UGT2B7: variants seen among roughly 807,000 people sequenced by gnomAD.
UGT2B7 encodes UDP-glucuronosyltransferase 2B7.
In UGT2B7, 51 loss-of-function variants were observed where a neutral mutation model predicts 51.9. The observed-to-expected ratio is 0.98, with a 90% CI of 0.78 to 1.24. The LOEUF is 1.24. Among genes scored for constraint, UGT2B7 ranks in the 50% most tolerant of loss-of-function variants. UGT2B7 has a pLI of 0.00. For missense variants in UGT2B7, 727 were observed against 628.4 expected (o/e 1.16, Z -1.68); for synonymous variants, 225 against 211.6 (o/e 1.06, Z -0.55).
intron 1 of UGT2B7, among the ~76,000 whole-genome samples, chr4:69,077,095 G>T (rs1718724047): frequency 6.6e-6 from 1 of 152,102 alleles, no homozygotes; most frequent in Non-Finnish European, 1.5e-5. Context: ...GGTTGTATAT[G>T]TGTGGTGTTA....
At position 69,097,258 on chromosome 4, in the gene UGT2B7, A is replaced by G. The variant is rs768631848; in HGVS notation, c.721+17A>G. 1.6e-5 allele frequency: 25 copies of G among 1,598,576 alleles called. No homozygotes were observed. Among genetic ancestry groups the G allele is most frequent in the Admixed American group, 1.3e-4 (7 of 54,926 alleles). ...AAGTTCTAGGTAAGTATTTTTTTCA[A>G]TCAGTAACATGAAGCTCTAACTTAT... On this transcript the variant is annotated intron_variant, in intron 1 of 5. Coordinates refer to ENST00000305231, the MANE Select transcript of UGT2B7 (RefSeq NM_001074.4).
At chr4:69,105,465 G>T (rs146676198) in intron 3 of UGT2B7, among the ~76,000 whole-genome samples, 1 of 152,238 alleles carries the variant, frequency 6.6e-6, no homozygotes, top group African/African-American at 2.4e-5. Flanking sequence ...GATTGCTTGG[G>T]AGTTTCAAAA....
intron 1 of UGT2B7, among the ~76,000 whole-genome samples, chr4:69,075,125 G>A (rs1191393322): frequency 1.3e-5 from 2 of 152,072 alleles, no homozygotes; most frequent in Non-Finnish European, 2.9e-5. Context: ...CATATGTAAT[G>A]AATTTCATAG....
chr4:69,078,388 G>C (rs1718764552), intron 1 of UGT2B7, among the ~76,000 whole-genome samples: 1 of 152,226 alleles, frequency 6.6e-6, no homozygotes, highest in African/African-American at 2.4e-5. Context: ...TCTCCTCTTT[G>C]TACCTCTGGT....
At chr4:69,086,040 T>C (rs1374143337) in intron 1 of UGT2B7, among the ~76,000 whole-genome samples, 2 of 151,890 alleles carry the variant, frequency 1.3e-5, no homozygotes, top group East Asian at 3.9e-4. Context: ...CCTTTTCTAC[T>C]ATTTTTTAGT....
chr4:69,096,578 T>C lies in UGT2B7; in HGVS notation c.58T>C (p.Ser20Pro), dbSNP rs2109882855. The C allele has an allele frequency of 6.2e-7, 1 of 1,613,922 alleles. No homozygotes were observed. The highest frequency in any genetic ancestry group is 1.1e-5 in the South Asian group (1 of 91,080). Residue 20 changes from serine (S) to proline (P), a missense_variant, in exon 1 of 6, where the codon TCT becomes CCT. Coordinates refer to ENST00000305231, the MANE Select transcript of UGT2B7 (RefSeq NM_001074.4). ...AATACAACTGAGCTTTTGCTTTAGC[T>C]CTGGGAATTGTGGAAAGGTGCTGGT... ...LLIQLSFCFSSGNCGKVLVWA... is the reference protein window; with the variant it reads ...LLIQLSFCFSPGNCGKVLVWA...
At chr4:69,063,053 C>T (rs751686864) in intron 1 of UGT2B7, among the ~76,000 whole-genome samples, 2 of 151,918 alleles carry the variant, frequency 1.3e-5, no homozygotes, top group Non-Finnish European at 2.9e-5. Context: ...ACAGTAATTG[C>T]TCACGCCTGT....
At chr4:69,099,041 GAC>G (rs905426131) in intron 2 of UGT2B7, among the ~76,000 whole-genome samples, 1 of 151,860 alleles carries the variant, frequency 6.6e-6, no homozygotes, top group Admixed American at 6.6e-5. Context: ...GAAAAAAATA[GAC>G]ACAGTTTCTG....
intron 3 of UGT2B7, among the ~76,000 whole-genome samples, chr4:69,105,514 A>G (rs1229494822): frequency 6.6e-6 from 1 of 152,198 alleles, no homozygotes; most frequent in Non-Finnish European, 1.5e-5. Context: ...CTATAGCAGA[A>G]CATGTTAATC....
At chr4:69,071,912 T>C (rs1718610621) in intron 1 of UGT2B7, among the ~76,000 whole-genome samples, 1 of 152,056 alleles carries the variant, frequency 6.6e-6, no homozygotes, top group Non-Finnish European at 1.5e-5. Context: ...ACAAACTAAA[T>C]TTTAGTCTAT....
At chr4:69,070,865 G>A (rs1212364913) in intron 1 of UGT2B7, among the ~76,000 whole-genome samples, 1 of 151,964 alleles carries the variant, frequency 6.6e-6, no homozygotes, top group Non-Finnish European at 1.5e-5. Context: ...TGGCGTTTAG[G>A]CAAGTTCTTC....
At chr4:69,110,734 T>C (rs1183384828) in intron 5 of UGT2B7, among the ~76,000 whole-genome samples, 4 of 152,136 alleles carry the variant, frequency 2.6e-5, no homozygotes, top group African/African-American at 7.2e-5. Flanking sequence ...GGTGACTAAA[T>C]GGTTCAGAAA....
At chr4:69,078,127 C>T (rs889135390) in intron 1 of UGT2B7, among the ~76,000 whole-genome samples, 1 of 151,842 alleles carries the variant, frequency 6.6e-6, no homozygotes, top group African/African-American at 2.4e-5. Context: ...TTGAACCAGT[C>T]TTGCATCACA....
At chr4:69,111,052 A>C (rs768720302) in intron 5 of UGT2B7, among the ~76,000 whole-genome samples, 3 of 152,120 alleles carry the variant, frequency 2.0e-5, no homozygotes, top group Non-Finnish European at 2.9e-5. Context: ...AAGCCACAAG[A>C]AGGGAGAGAA....
At chr4:69,092,852 G>C (rs1234603074), upstream of UGT2B7, among the ~76,000 whole-genome samples, 1 of 151,412 alleles carries the variant, frequency 6.6e-6, no homozygotes, top group Non-Finnish European at 1.5e-5. Context: ...AAATCTAATT[G>C]GGAATAGAAG....
chr4:69,094,593 A>G (rs1719169604), upstream of UGT2B7, among the ~76,000 whole-genome samples: 1 of 152,244 alleles, frequency 6.6e-6, no homozygotes, highest in South Asian at 2.1e-4. Context: ...GTCTTCAGTC[A>G]GTGCAACTTT....
chr4:69,101,245 G>A (rs749688224), intron 2 of UGT2B7, among the ~76,000 whole-genome samples: 1 of 151,854 alleles, frequency 6.6e-6, no homozygotes, highest in African/African-American at 2.4e-5. Context: ...TGTCACATGT[G>A]TACATTGAGC....
rs1416476359 is a variant in UGT2B7, at chr4:69,096,858, A to G, written c.338A>G (p.Gln113Arg). Residue 113 changes from glutamine to arginine, a missense_variant, in exon 1 of 6, where the codon CAG (glutamine) becomes CGG (arginine). Coordinates refer to ENST00000305231, the MANE Select transcript of UGT2B7 (RefSeq NM_001074.4). ...DTFWLYFSQV[Q>R]EIMSIFGDIT... ...TTTTGGTTATATTTTTCACAAGTAC[A>G]GGAAATCATGTCAATATTTGGTGAC... 6.8e-6 allele frequency: 11 copies of G among 1,613,696 alleles called. No individual in the cohort carries two copies. The highest frequency in any genetic ancestry group is 9.3e-6 in the Non-Finnish European group (11 of 1,179,854).
chr4:69,109,688 T>C (rs976345309), intron 5 of UGT2B7, among the ~76,000 whole-genome samples: 8 of 152,116 alleles, frequency 5.3e-5, no homozygotes, highest in African/African-American at 1.9e-4. Flanking sequence ...TTTTACTTTT[T>C]GATGTTGGTC....
Sources: allele counts gnomAD v4.1 joint callset (sites outside exome capture counted in the v4.1 genomes callset), GRCh38; gene constraint gnomAD v4.1.1; transcripts MANE v1.5; gene names NCBI Gene and HGNC (gene_info 2026-07-23, HGNC 2026-07-21).